TFAM: variants seen among roughly 807,000 people sequenced by gnomAD.
TFAM encodes mitochondrial transcription factor 1.
Under a neutral mutation model 30.6 loss-of-function variants are expected in TFAM, and 13 were observed. The ratio of observed to expected loss-of-function variants is 0.42; its 90% CI spans 0.28 to 0.67. The LOEUF (loss-of-function observed/expected upper bound fraction) is 0.67, where lower values mean the gene tolerates loss of function less well. Ranked by LOEUF, TFAM falls within the 30% of genes least tolerant of loss-of-function variation. The pLI is 0.21. For synonymous variants in TFAM, 106 were observed against 94.8 expected (o/e 1.12, Z -0.69); for missense variants, 231 against 293.7 (o/e 0.79, Z 1.56).
intron 3 of TFAM, 68 bp downstream of exon 3, chr10:58,388,328 T>A: frequency 7.5e-7 from 1 of 1,330,978 alleles, no homozygotes; most frequent in Non-Finnish European, 1.1e-6. Flanking sequence ...TCATGTCCTT[T>A]AAAGGACCAG....
At chr10:58,391,582 A>G (rs1049610372) in intron 5 of TFAM, among the ~76,000 whole-genome samples, 2 of 151,918 alleles carry the variant, frequency 1.3e-5, no homozygotes, top group African/African-American at 4.8e-5. Context: ...ATTTTTTTTC[A>G]ACTTTAATCA....
At chr10:58,393,200 C>T (rs1192766503) in intron 5 of TFAM, among the ~76,000 whole-genome samples, 5 of 151,920 alleles carry the variant, frequency 3.3e-5, no homozygotes, top group African/African-American at 9.7e-5. Context: ...AGGCTGGTCT[C>T]GAACTCCTGA....
At position 58,388,745 on chromosome 10, in the gene TFAM, C is replaced by T. The variant is rs771816601; in HGVS notation, c.367C>T (p.Pro123Ser). The change falls in exon 4 of 7, where the codon CCA (proline) becomes TCA (serine). Residue 123 changes from proline (P) to serine (S), a missense_variant. By Grantham distance (74) the Pro-to-Ser change is moderately conservative (BLOSUM62 -1). Coordinates refer to ENST00000487519, the MANE Select transcript of TFAM (RefSeq NM_003201.3). ...AAGCAGATTTAAAGAACAGCTAACT[C>T]CAAGTCAGATTATGTCTTTGGAAAA... ...EISRFKEQLT[P>S]SQIMSLEKEI... The T allele has an allele frequency of 1.6e-5, 26 of 1,613,126 alleles. No homozygotes were observed. The highest frequency in any genetic ancestry group is 2.1e-5 in the Non-Finnish European group (25 of 1,179,634).
At chr10:58,389,305 TC>T (rs1185971637) in intron 4 of TFAM, among the ~76,000 whole-genome samples, 1 of 152,220 alleles carries the variant, frequency 6.6e-6, no homozygotes, top group Non-Finnish European at 1.5e-5. Context: ...TCTTTTTTTT[TC>T]TTCAAAGAAA....
rs190197688 is a variant in TFAM, at chr10:58,397,678, C to G, written c.*2604C>G. On this transcript the variant is annotated 3_prime_UTR_variant, in exon 7 of 7. Transcript: ENST00000487519. ...TATACCAAATGCCATTCAGCTGTAA[C>G]AGTATACACAGATTTTCTCTTATAA... 1 of 151,960 alleles carries G rather than the reference C, an allele frequency of 6.6e-6. No individual in the cohort carries two copies. The highest frequency in any genetic ancestry group is 1.5e-5 in the Non-Finnish European group (1 of 68,020). 9.4% of individuals were successfully genotyped at this position (151,960 alleles called of 1,614,324 possible). A position where few individuals can be genotyped will look rare whatever the true frequency, so the allele number is the denominator to read the frequency against.
At chr10:58,392,833 C>T (rs1012620923) in intron 5 of TFAM, among the ~76,000 whole-genome samples, 8 of 152,116 alleles carry the variant, frequency 5.3e-5, no homozygotes, top group Middle Eastern at 6.8e-3. Context: ...TGCCACCAAG[C>T]CTGGCTAATT....
intron 5 of TFAM, among the ~76,000 whole-genome samples, chr10:58,392,955 A>C (rs1840623309): frequency 6.7e-6 from 1 of 150,336 alleles, no homozygotes; most frequent in African/African-American, 2.5e-5. Context: ...GGGATTACAG[A>C]TGTGAGCCAC....
chr10:58,389,358 C>T (rs963270129), intron 4 of TFAM, among the ~76,000 whole-genome samples: 1 of 151,940 alleles, frequency 6.6e-6, no homozygotes, highest in African/African-American at 2.4e-5. Context: ...TTGTAGTTCC[C>T]AGCTTAATGT....
At chr10:58,388,643 T>C in intron 3 of TFAM, 27 bp from the exon 4 acceptor site, 1 of 1,610,010 alleles carries the variant, frequency 6.2e-7, no homozygotes, top group African/African-American at 1.3e-5. Context: ...AATGGTTTGT[T>C]GACTTACTTG....
intron 5 of TFAM, among the ~76,000 whole-genome samples, chr10:58,391,637 A>T (rs972009197): frequency 6.6e-6 from 1 of 151,946 alleles, no homozygotes; most frequent in Non-Finnish European, 1.5e-5. Context: ...CGTTTAAGCT[A>T]GACATTTAAC....
intron 1 of TFAM, 29 bp downstream of exon 1, chr10:58,385,677 C>T (rs1302862999): frequency 6.6e-7 from 1 of 1,511,900 alleles, no homozygotes; most frequent in East Asian, 2.4e-5. Flanking sequence ...GCCCTAGGGG[C>T]AGCAGGGCCC....
chr10:58,386,908 A>C (rs1840501411), intron 2 of TFAM, among the ~76,000 whole-genome samples: 1 of 152,178 alleles, frequency 6.6e-6, no homozygotes, highest in South Asian at 2.1e-4. Context: ...TTCCTAAAAA[A>C]AAAACATTTC....
intron 2 of TFAM, among the ~76,000 whole-genome samples, chr10:58,387,947 A>G (rs535908450): frequency 1.3e-5 from 2 of 152,276 alleles, no homozygotes; most frequent in South Asian, 4.2e-4. Flanking sequence ...AAAAAAAAAA[A>G]AAATCCTAGT....
chr10:58,391,870 T>C (rs1840604645), intron 5 of TFAM, among the ~76,000 whole-genome samples: 1 of 152,044 alleles, frequency 6.6e-6, no homozygotes, highest in Admixed American at 6.5e-5. Flanking sequence ...TTATTTTTTC[T>C]TTCTTACGAA....
rs1840560062 is a variant in TFAM, at chr10:58,389,901, G to A, written c.442-864G>A. On this transcript the variant is annotated intron_variant, in intron 4 of 6. Coordinates refer to ENST00000487519, the MANE Select transcript of TFAM (RefSeq NM_003201.3). The stretch of plus-strand genomic sequence containing the variant: ...CAGTACCAACTAGTTCAGAGATCAA[G>A]TGAGAAGTGTGAGGACTAGGAAGTT... Among the ~76,000 whole-genome samples the A allele has an allele frequency of 2.6e-5, 4 of 152,350 alleles. No homozygotes were observed. In the South Asian group the frequency reaches 8.3e-4, roughly 32 times the overall value.
chr10:58,395,248 C>G lies in TFAM; in HGVS notation c.*174C>G. The G allele has an allele frequency of 3.0e-6, 2 of 674,820 alleles. No individual in the cohort carries two copies. Among genetic ancestry groups the G allele is most frequent in the East Asian group, 5.7e-5 (2 of 34,986 alleles). 41.8% of individuals were successfully genotyped at this position (674,820 alleles called of 1,614,324 possible). A position where few individuals can be genotyped will look rare whatever the true frequency, so the allele number is the denominator to read the frequency against. On this transcript the variant is annotated 3_prime_UTR_variant, in exon 7 of 7. Transcript: ENST00000487519. ...AGCATAATACTTGCTTTGGAAAACC[C>G]AGATAAAGGTTCATGCAAACTTTAT...
intron 6 of TFAM, 133 bp from the exon 7 acceptor site, chr10:58,394,795 C>A: frequency 2.3e-6 from 2 of 859,166 alleles, no homozygotes; most frequent in Non-Finnish European, 3.6e-6. Context: ...TCCAGTCTGC[C>A]TTTATACATG....
rs944505734 is a variant in TFAM, at chr10:58,396,461, A to G, written c.*1387A>G. The G allele has an allele frequency of 2.0e-5, 3 of 152,246 alleles. No individual in the cohort carries two copies. Among genetic ancestry groups the G allele is most frequent in the African/African-American group, 7.2e-5 (3 of 41,476 alleles). 9.4% of individuals were successfully genotyped at this position (152,246 alleles called of 1,614,324 possible). ...ATAATCTAGTTTCAAATTACATTGC[A>G]GTATAATGAAAAAGATCCATATACT... is the stretch of plus-strand genomic sequence containing the variant. On this transcript the variant is annotated 3_prime_UTR_variant, in exon 7 of 7. Coordinates refer to ENST00000487519, the MANE Select transcript of TFAM (RefSeq NM_003201.3).
At position 58,395,097 on chromosome 10, in the gene TFAM, C is replaced by A; in HGVS notation, c.*23C>A. 6.2e-7 allele frequency: 1 copy of A among 1,611,726 alleles called. No homozygotes were observed. The highest frequency in any genetic ancestry group is 1.1e-5 in the South Asian group (1 of 90,812). On this transcript the variant is annotated 3_prime_UTR_variant, in exon 7 of 7. Transcript: ENST00000487519. ...TAAAAGTAGAAGATTGAGATGTGTT[C>A]ACAATGGATAGGCACAGGAAACCAG...
Sources: gnomAD v4.1 joint callset for allele counts (sites outside exome capture counted in the v4.1 genomes callset) on GRCh38, gnomAD v4.1.1 for gene constraint, MANE v1.5 for transcripts, NCBI Gene and HGNC (gene_info 2026-07-23, HGNC 2026-07-21) for gene names.